The following ZNF214 variants were observed in gnomAD, a reference collection of about 807,000 sequenced individuals.
ZNF214 encodes BWSCR2-associated zinc finger protein 1.
A neutral mutation model predicts 53.9 loss-of-function variants in ZNF214; 43 were observed. That is an observed-to-expected ratio of 0.80 (90% CI 0.63 to 1.03). The LOEUF (loss-of-function observed/expected upper bound fraction) is 1.03. Among genes scored for constraint, ZNF214 ranks in the 50% least tolerant of loss-of-function variants. The pLI is 0.00. For synonymous variants in ZNF214, 217 were observed against 229.5 expected (o/e 0.95, Z 0.49); for missense variants, 724 against 719.1 (o/e 1.01, Z -0.08).
At chr11:7,014,211 A>G (rs529744509) in intron 1 of ZNF214, among the ~76,000 whole-genome samples, 2 of 152,342 alleles carry the variant, frequency 1.3e-5, no homozygotes, top group East Asian at 3.9e-4. Flanking sequence ...AACTACTGGC[A>G]ATGATAAGGG....
At chr11:7,004,212 G>A (rs541500248) in intron 1 of ZNF214, among the ~76,000 whole-genome samples, 1 of 151,952 alleles carries the variant, frequency 6.6e-6, no homozygotes, top group East Asian at 1.9e-4. Flanking sequence ...AATAACATAA[G>A]TAAAAATTAA....
intron 1 of ZNF214, chr11:7,019,655 T>C (rs1309644573): frequency 1.3e-5 from 2 of 152,192 alleles, no homozygotes; most frequent in African/African-American, 4.8e-5. Flanking sequence ...ACCAAACTTA[T>C]AGATCTCCAA....
intron 1 of ZNF214, among the ~76,000 whole-genome samples, chr11:7,018,768 C>G (rs954857029): frequency 2.0e-5 from 3 of 152,066 alleles, no homozygotes; most frequent in African/African-American, 7.2e-5. Flanking sequence ...TCTCAAAGTG[C>G]TGGGATTACA....
chr11:7,018,495 CTTTTTTTT>C (rs55641448), intron 1 of ZNF214, among the ~76,000 whole-genome samples: 9 of 61,876 alleles, frequency 1.5e-4, no homozygotes, highest in Admixed American at 2.5e-4. Flanking sequence ...AATGTTAAGA[CTTTTTTTT>C]TTTTTTTTTT....
chr11:7,014,034 CA>C (rs1308832590), intron 1 of ZNF214, among the ~76,000 whole-genome samples: 1 of 152,072 alleles, frequency 6.6e-6, no homozygotes, highest in East Asian at 1.9e-4. Flanking sequence ...ATCTTAAACC[CA>C]AAGATAAAGC....
Position 7,019,839 on chromosome 11 carries a change from C to G in ZNF214, c.-21+234G>C, listed in dbSNP as rs567469041. The G allele has an allele frequency of 2.0e-5, 3 of 152,364 alleles. No homozygotes were observed. The South Asian group carries it at 6.2e-4, about 32-fold the overall frequency. 9.4% of individuals were successfully genotyped at this position (152,364 alleles called of 1,614,324 possible). A position where few individuals can be genotyped will look rare whatever the true frequency, so the allele number is the denominator to read the frequency against. On this transcript the variant is annotated intron_variant, in intron 1 of 2. Transcript: ENST00000278314. ...AGAGCAGGACAGGTTTGGGCTCCCC[C>G]AACGCGTCACGGGCTGCCCAAGTGT...
chr11:7,019,908 G>C (rs1231954558), intron 1 of ZNF214, among the ~76,000 whole-genome samples, 165 bp downstream of exon 1: 1 of 152,106 alleles, frequency 6.6e-6, no homozygotes, highest in African/African-American at 2.4e-5. Context: ...CTAGGAGCGG[G>C]ATCTCCCGGT....
chr11:7,009,288 T>A (rs1026037898), intron 1 of ZNF214, among the ~76,000 whole-genome samples: 1 of 151,990 alleles, frequency 6.6e-6, no homozygotes, highest in African/African-American at 2.4e-5. Flanking sequence ...CCTACCACCA[T>A]CTGATCTTCA....
chr11:7,003,469 A>T (rs1851403050), intron 1 of ZNF214, among the ~76,000 whole-genome samples: 1 of 152,022 alleles, frequency 6.6e-6, no homozygotes, highest in Non-Finnish European at 1.5e-5. Flanking sequence ...TTGTATGAAT[A>T]GGGCTATGTT....
At position 6,999,824 on chromosome 11, in the gene ZNF214, T is replaced by C; in HGVS notation, c.*38A>G. The C allele has an allele frequency of 6.4e-7, 1 of 1,551,948 alleles. No homozygotes were observed. The highest frequency in any genetic ancestry group is 8.7e-7 in the Non-Finnish European group (1 of 1,151,418). On this transcript the variant is annotated 3_prime_UTR_variant, in exon 3 of 3. Coordinates refer to ENST00000278314, the MANE Select transcript of ZNF214 (RefSeq NM_013249.4). ...GGATTTATAGGGTTTAAAGGTTAGG[T>C]AAACTTTGATTAAAGCTGTTAACTA...
chr11:7,014,813 AAAAAAACAAAAAAAAAACAC>A (rs1851716882), intron 1 of ZNF214, among the ~76,000 whole-genome samples: 1 of 148,606 alleles, frequency 6.7e-6, no homozygotes, highest in African/African-American at 2.5e-5. Flanking sequence ...ACAAAAAAAA[AAAAAAACAAAAAAAAAACAC>A]TACCCAGGAG....
rs1851342340 is a variant in ZNF214 at position 7,001,290 on chromosome 11, T to C, written c.393A>G (p.Leu131=). The C allele has an allele frequency of 3.1e-6, 5 of 1,613,276 alleles. No homozygotes were observed. The highest frequency in any genetic ancestry group is 4.2e-6 in the Non-Finnish European group (5 of 1,179,482). The change falls in exon 3 of 3, where the codon TTA becomes TTG. Residue 131 remains leucine, a synonymous_variant. Coordinates refer to ENST00000278314, the MANE Select transcript of ZNF214 (RefSeq NM_013249.4). ...GCCAAGGCATAAAATTTTTATATTT[T>C]AAGTTCCTGAGACTTTTGCTTTCAA... ...LTFESKSLRN[L]KYKNFMPWQS...
At chr11:7,016,827 T>C (rs1851780773) in intron 1 of ZNF214, among the ~76,000 whole-genome samples, 1 of 152,092 alleles carries the variant, frequency 6.6e-6, no homozygotes, top group Middle Eastern at 3.2e-3. Context: ...ATGTTTAAAA[T>C]AACACAATTA....
intron 1 of ZNF214, among the ~76,000 whole-genome samples, chr11:7,009,723 T>G (rs544071450): frequency 6.6e-6 from 1 of 152,018 alleles, no homozygotes; most frequent in Non-Finnish European, 1.5e-5. Flanking sequence ...TTTAAACAAA[T>G]TAACAGGCAA....
intron 1 of ZNF214, chr11:7,019,706 T>C (rs1851865878): frequency 6.6e-6 from 1 of 152,214 alleles, no homozygotes; most frequent in South Asian, 2.1e-4. Flanking sequence ...GCATGAGCCT[T>C]TGCCACCCCA....
At chr11:7,004,015 A>G (rs1851419294) in intron 1 of ZNF214, among the ~76,000 whole-genome samples, 1 of 151,860 alleles carries the variant, frequency 6.6e-6, no homozygotes, top group South Asian at 2.1e-4. Context: ...GAAAGTTGGT[A>G]TCTGGAAAAT....
chr11:7,001,293 G>GT lies in ZNF214; in HGVS notation c.389dup (p.Asn130LysfsTer5), dbSNP rs757444767. ...AAGGCATAAAATTTTTATATTTTAAGTTCCTGAGACTTTTGCTTTCAAAAG... is the reference window on the plus strand; with the variant it reads ...AAGGCATAAAATTTTTATATTTTAAGTTTCCTGAGACTTTTGCTTTCAAAAG... On this transcript the variant is annotated frameshift_variant, in exon 3 of 3. Transcript: ENST00000278314. LOFTEE classifies it high-confidence loss of function. 1 of 1,613,024 alleles carries GT rather than the reference G, an allele frequency of 6.2e-7. No individual in the cohort carries two copies.
chr11:7,018,958 G>A (rs553052776), intron 1 of ZNF214, among the ~76,000 whole-genome samples: 15 of 152,130 alleles, frequency 9.9e-5, no homozygotes, highest in Non-Finnish European at 2.1e-4. Context: ...ACAGGCAAGC[G>A]AGGAACGTTT....
intron 1 of ZNF214, among the ~76,000 whole-genome samples, chr11:7,017,647 G>A (rs1410663238): frequency 6.6e-6 from 1 of 151,670 alleles, no homozygotes; most frequent in Admixed American, 6.6e-5. Flanking sequence ...GCTGAGGCAC[G>A]AGAATTGCTT....
Sources: allele counts gnomAD v4.1 joint callset (sites outside exome capture counted in the v4.1 genomes callset), GRCh38; gene constraint gnomAD v4.1.1; transcripts MANE v1.5; gene names NCBI Gene and HGNC (gene_info 2026-07-23, HGNC 2026-07-21).